Variants in NPTX1 observed in about 807,000 individuals in gnomAD.
NPTX1 encodes the protein neuronal pentraxin 1, also known as neuronal pentraxin-1.
A neutral mutation model predicts 38.7 loss-of-function variants in NPTX1; 12 were observed. That is an observed-to-expected ratio of 0.31 (90% confidence interval 0.20 to 0.50). The LOEUF is 0.50. Among genes scored for constraint, NPTX1 ranks in the 20% least tolerant of loss-of-function variants. NPTX1 has a pLI of 0.98. For synonymous variants in NPTX1, 272 were observed against 264.9 expected (o/e 1.03, Z -0.26); for missense variants, 454 against 592.2 (o/e 0.77, Z 2.42).
In NPTX1 at chr17:80,475,959, C is replaced by G; in HGVS notation, c.444+44G>C. 1 of 1,502,996 alleles carries G rather than the reference C, an allele frequency of 6.7e-7. No homozygotes were observed. The highest frequency in any genetic ancestry group is 1.1e-5 in the South Asian group (1 of 88,010). The allele number at this position is 1,502,996 out of a possible 1,614,324, so 93.1% of individuals were successfully genotyped here. On this transcript the variant is annotated intron_variant, in intron 1 of 4. Coordinates refer to ENST00000306773, the MANE Select transcript of NPTX1 (RefSeq NM_002522.4). The surrounding 1 kb of genome is among the most constrained non-coding windows in gnomAD (Gnocchi z 6.5). ...AACGGGGTGGGGGAGGGCAGAGGGG[C>G]GAGCGAGCCGGAGGGGGAACCGGAG...
At chr17:80,471,488 A>G (rs907728646) in intron 4 of NPTX1, among the ~76,000 whole-genome samples, 4 of 152,242 alleles carry the variant, frequency 2.6e-5, no homozygotes, top group Admixed American at 2.6e-4. Flanking sequence ...TAAAAGCAGA[A>G]CTGGCCTTCC....
chr17:80,473,571 G>T, intron 2 of NPTX1, 127 bp from the exon 3 acceptor site: 1 of 946,180 alleles, frequency 1.1e-6, no homozygotes, highest in Admixed American at 2.0e-5. Flanking sequence ...TTCTGGAGAC[G>T]CAGAGCGGGT....
chr17:80,470,684 C>A lies in NPTX1; in HGVS notation c.*129G>T. The A allele has an allele frequency of 1.6e-6, 1 of 640,570 alleles. No homozygotes were observed. Among genetic ancestry groups the A allele is most frequent in the Admixed American group, 2.8e-5 (1 of 35,502 alleles). The allele number at this position is 640,570 out of a possible 1,614,324, so 39.7% of individuals were successfully genotyped here. On this transcript the variant is annotated 3_prime_UTR_variant, in exon 5 of 5. Coordinates refer to ENST00000306773, the MANE Select transcript of NPTX1 (RefSeq NM_002522.4). ...CATGAGGACAAAACCAGGCTGTGTGCGTGTGCGTGTGCAGGGGCGACGGCC... is the reference window on the plus strand; with the variant it reads ...CATGAGGACAAAACCAGGCTGTGTGAGTGTGCGTGTGCAGGGGCGACGGCC...
At chr17:80,471,639 T>C in intron 4 of NPTX1, 93 bp downstream of exon 4, 12 of 1,503,884 alleles carry the variant, frequency 8.0e-6, no homozygotes, top group Non-Finnish European at 1.1e-5. Context: ...GAACCACTTC[T>C]CCGGCTACCT....
chr17:80,476,252 C>A lies in NPTX1; in HGVS notation c.195G>T (p.Val65=), dbSNP rs200269761. 491 of 1,560,378 alleles carry A rather than the reference C, an allele frequency of 3.1e-4. 2 individuals are homozygous for A. The African/African-American group carries it at 5.9e-3, about 19-fold the overall frequency. ...RSSVLQLRET[V]LQQKETILSQ... The stretch of plus-strand genomic sequence containing the variant: ...TCAGGATGGTCTCCTTCTGCTGCAG[C>A]ACCGTCTCGCGGAGCTGCAGCACGC... Residue 65 remains valine, a synonymous_variant, in exon 1 of 5, where the codon GTG becomes GTT. Transcript: ENST00000306773. The surrounding 1 kb of genome is among the most constrained non-coding windows in gnomAD (Gnocchi z 6.3).
In NPTX1 at chr17:80,467,152, A is replaced by G. The variant is rs1159098614; in HGVS notation, c.*3661T>C. The G allele has an allele frequency of 8.4e-6, 1 of 118,834 alleles. No homozygotes were observed. Among genetic ancestry groups the G allele is most frequent in the African/African-American group, 3.2e-5 (1 of 30,810 alleles). The allele number at this position is 118,834 out of a possible 1,614,324, so 7.4% of individuals were successfully genotyped here. On this transcript the variant is annotated 3_prime_UTR_variant, in exon 5 of 5. Transcript: ENST00000306773. ...TTTTTTTTTTTTTTTTTTTTTGGCA[A>G]ATGAGACAAAATTGGGACTCTAAGT...
At position 80,470,924 on chromosome 17, in the gene NPTX1, G is replaced by A; in HGVS notation, c.1188C>T (p.Thr396=). 1.2e-6 allele frequency: 2 copies of A among 1,613,804 alleles called. No homozygotes were observed. Among genetic ancestry groups the A allele is most frequent in the Non-Finnish European group, 8.5e-7 (1 of 1,179,772 alleles). Residue 396 remains threonine, a synonymous_variant, in exon 5 of 5, where the codon ACC becomes ACT. Transcript: ENST00000306773. Reference sequence around the variant, plus strand: ...TGCCGGACAGAGCCTTGGTGCTGCAGGTGGCCAGGTTGTACACCTCCCCGG... The same window carrying A: ...TGCCGGACAGAGCCTTGGTGCTGCAAGTGGCCAGGTTGTACACCTCCCCGG... ...LTPGEVYNLA[T]CSTKALSGNV...
At chr17:80,471,627 G>T in intron 4 of NPTX1, 105 bp downstream of exon 4, 1 of 1,484,624 alleles carries the variant, frequency 6.7e-7, no homozygotes, top group East Asian at 2.4e-5. Context: ...TGCTTCTCAG[G>T]GGAACCACTT....
chr17:80,474,103 G>T (rs1308007495), intron 2 of NPTX1: 1 of 153,112 alleles, frequency 6.5e-6, no homozygotes, highest in Non-Finnish European at 1.5e-5. Flanking sequence ...GCAAGGAGCT[G>T]GGAGTACTCT....
intron 2 of NPTX1, chr17:80,474,800 A>ACCCCCCCCCCCCCCCCCCCCCC (rs34595603): frequency 1.7e-5 from 2 of 114,704 alleles, no homozygotes; most frequent in Non-Finnish European, 3.9e-5. Flanking sequence ...CGCACCGGGC[A>ACCCCCCCCCCCCCCCCCCCCCC]CCCCCCCCCC....
Position 80,470,257 on chromosome 17 carries a change from C to T in NPTX1, c.*556G>A, listed in dbSNP as rs1047642197. Reference sequence around the variant, plus strand: ...CCCCCGCCCCCGGCCTTTGACAAACCACTAAAAGACATTTATTACATCAAT... The same window carrying T: ...CCCCCGCCCCCGGCCTTTGACAAACTACTAAAAGACATTTATTACATCAAT... On this transcript the variant is annotated 3_prime_UTR_variant, in exon 5 of 5. Transcript: ENST00000306773. 3 of 152,332 alleles carry T rather than the reference C, an allele frequency of 2.0e-5. No homozygotes were observed. The highest frequency in any genetic ancestry group is 4.4e-5 in the Non-Finnish European group (3 of 68,118). The allele number at this position is 152,332 out of a possible 1,614,324, so 9.4% of individuals were successfully genotyped here.
At chr17:80,473,771 G>A in intron 2 of NPTX1, 1 of 355,286 alleles carries the variant, frequency 2.8e-6, no homozygotes, top group South Asian at 2.9e-5. Context: ...GCATGAGAAG[G>A]GAATGGGGAC....
chr17:80,473,007 C>A (rs1488087011), intron 3 of NPTX1, among the ~76,000 whole-genome samples, 193 bp downstream of exon 3: 6 of 152,240 alleles, frequency 3.9e-5, no homozygotes, highest in African/African-American at 1.2e-4. Context: ...TCCCTGCTCT[C>A]CCAGTACAGG....
At position 80,469,102 on chromosome 17, in the gene NPTX1, G is replaced by C. The variant is rs1285652607; in HGVS notation, c.*1711C>G. The C allele has an allele frequency of 6.6e-6, 1 of 152,470 alleles. No individual in the cohort carries two copies. The highest frequency in any genetic ancestry group is 2.4e-5 in the African/African-American group (1 of 41,440). The allele number at this position is 152,470 out of a possible 1,614,324, so 9.4% of individuals were successfully genotyped here. On this transcript the variant is annotated 3_prime_UTR_variant, in exon 5 of 5. Transcript: ENST00000306773. ...ACACACACAGATGCACTAGGTTCTTGACACAACGTGGACCTGTGTTTAAGG... is the reference window on the plus strand; with the variant it reads ...ACACACACAGATGCACTAGGTTCTTCACACAACGTGGACCTGTGTTTAAGG...
rs767147751 is a variant in NPTX1, at chr17:80,475,722, C to T, written c.445-4G>A. On this transcript the variant is annotated splice_region_variant and splice_polypyrimidine_tract_variant and intron_variant, in intron 1 of 4. Coordinates refer to ENST00000306773, the MANE Select transcript of NPTX1 (RefSeq NM_002522.4). The surrounding 1 kb of genome is among the most constrained non-coding windows in gnomAD (Gnocchi z 6.5). Reference sequence around the variant, plus strand: ...AGGAATTGAGGCGGCTGTACTGCTGCGGGGTGCAAGGGCGGGGGAAACCAC... The same window carrying T: ...AGGAATTGAGGCGGCTGTACTGCTGTGGGGTGCAAGGGCGGGGGAAACCAC... 263 of 1,605,636 alleles carry T rather than the reference C, an allele frequency of 1.6e-4. No individual in the cohort carries two copies. Among genetic ancestry groups the T allele is most frequent in the Non-Finnish European group, 2.1e-4 (245 of 1,175,888 alleles).
chr17:80,475,532 G>C lies in NPTX1; in HGVS notation c.631C>G (p.Arg211Gly). The change falls in exon 2 of 5, where the codon CGG (arginine) becomes GGG (glycine). Residue 211 changes from arginine to glycine, a missense_variant. Arg to Gly is a moderately radical substitution (Grantham distance 125, BLOSUM62 -2). Transcript: ENST00000306773. The surrounding 1 kb of genome is among the most constrained non-coding windows in gnomAD (Gnocchi z 6.5). ...GTACCTTTCTCGAGCTCGCTGATCC[G>C]CTGGTGCAGGGAGGTCAGGGCGGTC... ...IETALTSLHQ[R>G]ISELEKGQKD... The C allele has an allele frequency of 6.2e-7, 1 of 1,612,310 alleles. No individual in the cohort carries two copies. The highest frequency in any genetic ancestry group is 8.5e-7 in the Non-Finnish European group (1 of 1,179,748).
rs930459848 is a variant in NPTX1 at position 80,476,482 on chromosome 17, C to A, written c.-36G>T. ...ACCGGGCGCTCCGGGCCCGGCTCGG[C>A]TCGGCTGGGGCTCGGCTCCGGCTGG... On this transcript the variant is annotated 5_prime_UTR_variant, in exon 1 of 5. Transcript: ENST00000306773. The surrounding 1 kb of genome is among the most constrained non-coding windows in gnomAD (Gnocchi z 6.3). 100 of 1,150,798 alleles carry A rather than the reference C, an allele frequency of 8.7e-5. No individual in the cohort carries two copies. The highest frequency in any genetic ancestry group is 1.0e-4 in the Non-Finnish European group (95 of 935,616). 71.3% of individuals were successfully genotyped at this position (1,150,798 alleles called of 1,614,324 possible). A position where few individuals can be genotyped will look rare whatever the true frequency, so the allele number is the denominator to read the frequency against.
Position 80,470,541 on chromosome 17 carries a change from T to C in NPTX1, c.*272A>G, listed in dbSNP as rs554904454. The C allele has an allele frequency of 1.3e-4, 45 of 348,226 alleles. 1 individual carries two copies. Among genetic ancestry groups the C allele is most frequent in the African/African-American group, 9.2e-4 (45 of 49,108 alleles). The allele number at this position is 348,226 out of a possible 1,614,324, so 21.6% of individuals were successfully genotyped here. A position where few individuals can be genotyped will look rare whatever the true frequency, so the allele number is the denominator to read the frequency against. ...GATCCTCTCACCAACTTCTGCCTTG[T>C]TCAAGACGTTGCAGCACCCACTTCA... On this transcript the variant is annotated 3_prime_UTR_variant, in exon 5 of 5. Coordinates refer to ENST00000306773, the MANE Select transcript of NPTX1 (RefSeq NM_002522.4).
In NPTX1 at chr17:80,470,710, T is replaced by G. The variant is rs1042742065; in HGVS notation, c.*103A>C. The G allele has an allele frequency of 2.7e-5, 23 of 843,838 alleles. No individual in the cohort carries two copies. The East Asian group carries it at 5.1e-4, about 19-fold the overall frequency. The allele number at this position is 843,838 out of a possible 1,614,324, so 52.3% of individuals were successfully genotyped here. ...GTGTGCGTGTGCAGGGGCGACGGCC[T>G]CGGTTCATTCCTGGGGAAAAGGGAG... On this transcript the variant is annotated 3_prime_UTR_variant, in exon 5 of 5. Transcript: ENST00000306773.
Sources: gnomAD v4.1 joint callset for allele counts (sites outside exome capture counted in the v4.1 genomes callset) on GRCh38, gnomAD v4.1.1 for gene constraint, Gnocchi (gnomAD v3.1) non-coding constraint, MANE v1.5 for transcripts, NCBI Gene and HGNC (gene_info 2026-07-23, HGNC 2026-07-21) for gene names.